The following ALK variants were observed in gnomAD, a reference collection of about 807,000 sequenced individuals.
The protein encoded by ALK is ALK tyrosine kinase receptor.
Under a neutral mutation model 163.1 loss-of-function variants are expected in ALK, and 74 were observed. The observed-to-expected ratio is 0.45, with a 90% CI of 0.38 to 0.55. The LOEUF is 0.55. Ranked by LOEUF, ALK falls within the 20% of genes least tolerant of loss-of-function variation. The probability of loss-of-function intolerance (pLI) is 0.00; values close to 1 mark genes in which losing one functional copy is unlikely to be tolerated. For missense variants in ALK, 2,063 were observed against 2,105.3 expected (o/e 0.98, Z 0.39); for synonymous variants, 960 against 843.2 (o/e 1.14, Z -2.40).
intron 1 of ALK, among the ~76,000 whole-genome samples, chr2:29,909,945 C>T (rs1667656764): frequency 7.7e-6 from 1 of 129,512 alleles, no homozygotes; most frequent in Non-Finnish European, 1.6e-5. Context: ...AATGTCCACA[C>T]ATTCAGCAAT....
chr2:29,734,094 G>C (rs1182965381), intron 1 of ALK, among the ~76,000 whole-genome samples: 1 of 152,122 alleles, frequency 6.6e-6, no homozygotes, highest in African/African-American at 2.4e-5. Flanking sequence ...CCCAATGAGA[G>C]GACTTGGAGA....
intron 1 of ALK, among the ~76,000 whole-genome samples, chr2:29,725,749 A>C (rs1679553865): frequency 6.6e-6 from 1 of 152,158 alleles, no homozygotes; most frequent in African/African-American, 2.4e-5. Context: ...GGGCAGATCA[A>C]GACATGGACC....
At chr2:29,575,631 G>T (rs1382860537) in intron 3 of ALK, among the ~76,000 whole-genome samples, 1 of 152,182 alleles carries the variant, frequency 6.6e-6, no homozygotes, top group Non-Finnish European at 1.5e-5. Flanking sequence ...AATTTGTGTT[G>T]GCAGCTTTAG....
chr2:29,642,127 T>C (rs980520942), intron 3 of ALK, among the ~76,000 whole-genome samples: 7 of 152,170 alleles, frequency 4.6e-5, no homozygotes, highest in Admixed American at 3.3e-4. Flanking sequence ...GTCAGACATA[T>C]AGACTCTCAG....
chr2:29,894,881 G>A (rs566476296), intron 1 of ALK, among the ~76,000 whole-genome samples: 13 of 148,990 alleles, frequency 8.7e-5, no homozygotes, highest in South Asian at 2.2e-4. Flanking sequence ...CACACACCCC[G>A]ACATACTCCT....
intron 4 of ALK, among the ~76,000 whole-genome samples, chr2:29,426,806 G>A (rs777467918): frequency 6.6e-6 from 1 of 151,970 alleles, no homozygotes; most frequent in Non-Finnish European, 1.5e-5. Flanking sequence ...TTGGGAGGCC[G>A]AGGTGGGTAG....
intron 4 of ALK, among the ~76,000 whole-genome samples, chr2:29,522,888 C>G (rs1048613976): frequency 1.3e-5 from 2 of 152,098 alleles, no homozygotes; most frequent in Admixed American, 6.5e-5. Context: ...GAAGATACTA[C>G]CAGAGAGAAA....
chr2:29,681,583 T>C (rs1028675889), intron 3 of ALK, among the ~76,000 whole-genome samples: 1 of 152,164 alleles, frequency 6.6e-6, no homozygotes, highest in Non-Finnish European at 1.5e-5. Context: ...TACACAACCG[T>C]AGGATTGGCT....
chr2:29,263,761 A>G (rs1665145641), intron 11 of ALK, among the ~76,000 whole-genome samples: 1 of 152,208 alleles, frequency 6.6e-6, no homozygotes, highest in South Asian at 2.1e-4. Flanking sequence ...AGCATGAAGA[A>G]AAGGCCAAGA....
chr2:29,380,181 C>T (rs1668861234), intron 5 of ALK, among the ~76,000 whole-genome samples: 1 of 150,710 alleles, frequency 6.6e-6, no homozygotes, highest in Non-Finnish European at 1.5e-5. Context: ...TCTCAGCTTA[C>T]TGTAACCTCT....
chr2:29,665,628 C>A (rs1677491763), intron 3 of ALK, among the ~76,000 whole-genome samples: 2 of 152,112 alleles, frequency 1.3e-5, no homozygotes, highest in African/African-American at 2.4e-5. Context: ...CAGGATAGGA[C>A]ACAGTGACAA....
intron 1 of ALK, among the ~76,000 whole-genome samples, chr2:29,785,732 C>A (rs953442081): frequency 6.6e-6 from 1 of 151,998 alleles, no homozygotes; most frequent in African/African-American, 2.4e-5. Context: ...TTAGTATAAG[C>A]CCCAAAGCCA....
chr2:29,475,840 G>A (rs1196193792), intron 4 of ALK, among the ~76,000 whole-genome samples: 1 of 150,196 alleles, frequency 6.7e-6, no homozygotes, highest in Non-Finnish European at 1.5e-5. Context: ...GCCTGAAGAG[G>A]AATTGTGCAA....
intron 9 of ALK, among the ~76,000 whole-genome samples, chr2:29,278,287 C>T (rs993990198): frequency 9.9e-5 from 15 of 152,214 alleles, no homozygotes; most frequent in African/African-American, 3.6e-4. Flanking sequence ...GTGTGGACCT[C>T]TGAACAGAGA....
At chr2:29,764,154 T>C (rs763375601) in intron 1 of ALK, among the ~76,000 whole-genome samples, 1 of 152,172 alleles carries the variant, frequency 6.6e-6, no homozygotes, top group Non-Finnish European at 1.5e-5. Flanking sequence ...GTTACCAGGA[T>C]GCAATTCAAG....
At chr2:29,876,517 ATGATGG>A (rs922677693) in intron 1 of ALK, among the ~76,000 whole-genome samples, 13 of 148,534 alleles carry the variant, frequency 8.8e-5, no homozygotes, top group African/African-American at 3.3e-4. Flanking sequence ...AATGGTAATG[ATGATGG>A]TGATGGTGAT....
intron 5 of ALK, among the ~76,000 whole-genome samples, chr2:29,360,475 A>G (rs1668361218): frequency 6.6e-6 from 1 of 152,198 alleles, no homozygotes; most frequent in Non-Finnish European, 1.5e-5. Context: ...AGCTCCTGAC[A>G]CAAGGCTCGT....
chr2:29,828,103 T>C (rs1303826141), intron 1 of ALK, among the ~76,000 whole-genome samples: 2 of 152,198 alleles, frequency 1.3e-5, no homozygotes, highest in Admixed American at 1.3e-4. Context: ...CTGGGAAAAC[T>C]GGCTAGCCAT....
chr2:29,251,748 C>T (rs1391545991), intron 11 of ALK, among the ~76,000 whole-genome samples: 1 of 152,212 alleles, frequency 6.6e-6, no homozygotes, highest in Non-Finnish European at 1.5e-5. Context: ...TGCAACTAAC[C>T]TGCTCCCAAA....
Sources: gnomAD v4.1 joint callset for allele counts (sites outside exome capture counted in the v4.1 genomes callset) on GRCh38, gnomAD v4.1.1 for gene constraint, MANE v1.5 for transcripts, NCBI Gene and HGNC (gene_info 2026-07-23, HGNC 2026-07-21) for gene names.